PTPRO: variants seen among roughly 807,000 people sequenced by gnomAD.
PTPRO encodes the protein receptor-type tyrosine-protein phosphatase O.
In PTPRO, 62 loss-of-function variants were observed where a neutral mutation model predicts 145.2. The observed-to-expected ratio is 0.43, with a 90% CI of 0.35 to 0.53. The LOEUF (loss-of-function observed/expected upper bound fraction) is 0.53, where lower values mean the gene tolerates loss of function less well. Ranked by LOEUF, PTPRO falls within the 20% of genes least tolerant of loss-of-function variation. The pLI is 0.01. For missense variants in PTPRO, 1,345 were observed against 1,482.7 expected (o/e 0.91, Z 1.53); for synonymous variants, 565 against 514.7 (o/e 1.10, Z -1.32).
chr12:15,404,185 T>C (rs1401717699), intron 1 of PTPRO, among the ~76,000 whole-genome samples: 5 of 78,202 alleles, frequency 6.4e-5, no homozygotes, highest in African/African-American at 2.9e-4. Flanking sequence ...CAAGACCCCA[T>C]CTCAAAAAAA....
chr12:15,574,962 G>GC (rs999144236), intron 19 of PTPRO, among the ~76,000 whole-genome samples: 2 of 152,116 alleles, frequency 1.3e-5, no homozygotes, highest in Admixed American at 6.6e-5. Context: ...AATATCTGTG[G>GC]CCCCCCAAAA....
rs759533015 is a variant in PTPRO, at chr12:15,369,578, C to T, written c.75+46777C>T. 4.6e-5 allele frequency among the ~76,000 whole-genome samples: 7 copies of T among 152,260 alleles called. No homozygotes were observed. The South Asian group carries it at 1.4e-3, about 32-fold the overall frequency. ...ACTAGATTCTCAATTTGATACCTAA[C>T]GTAAACTACAAGTTTGTCATTGCAT... On this transcript the variant is annotated intron_variant, in intron 1 of 26. Coordinates refer to ENST00000281171, the MANE Select transcript of PTPRO (RefSeq NM_030667.3).
intron 18 of PTPRO, 68 bp from the exon 19 acceptor site, chr12:15,569,349 T>C: frequency 7.7e-7 from 1 of 1,306,318 alleles, no homozygotes; most frequent in Non-Finnish European, 1.1e-6. Context: ...AGTATGATAT[T>C]AAACAATATA....
intron 1 of PTPRO, among the ~76,000 whole-genome samples, chr12:15,371,302 G>A (rs577039183): frequency 7.9e-5 from 12 of 150,980 alleles, no homozygotes; most frequent in East Asian, 7.8e-4. Flanking sequence ...GTGCAATCTC[G>A]GCTCATTGCA....
chr12:15,325,072 G>T (rs559285322), intron 1 of PTPRO, among the ~76,000 whole-genome samples: 1 of 152,084 alleles, frequency 6.6e-6, no homozygotes, highest in Admixed American at 6.5e-5. Context: ...CACGTGTGCC[G>T]AGTCAGAAAT....
At chr12:15,470,832 G>A (rs755291731) in intron 1 of PTPRO, among the ~76,000 whole-genome samples, 8 of 152,214 alleles carry the variant, frequency 5.3e-5, no homozygotes, top group Non-Finnish European at 1.0e-4. Context: ...TCAAGGAAAT[G>A]GCAGTGCAAG....
chr12:15,557,666 C>A, intron 16 of PTPRO, 143 bp downstream of exon 16: 1 of 741,666 alleles, frequency 1.3e-6, no homozygotes, highest in Non-Finnish European at 2.4e-6. Flanking sequence ...ATGGCTAGAT[C>A]TTCACAGAAT....
At chr12:15,375,414 A>AT (rs1464406103) in intron 1 of PTPRO, among the ~76,000 whole-genome samples, 1 of 152,194 alleles carries the variant, frequency 6.6e-6, no homozygotes, top group Non-Finnish European at 1.5e-5. Flanking sequence ...TTTTCAAAGA[A>AT]TTAAAGGACA....
At chr12:15,574,797 A>T (rs908722049) in intron 19 of PTPRO, among the ~76,000 whole-genome samples, 3 of 152,200 alleles carry the variant, frequency 2.0e-5, no homozygotes, top group African/African-American at 4.8e-5. Flanking sequence ...ATTCAGAAAC[A>T]GTAATAGTTA....
chr12:15,516,706 T>C lies in PTPRO; in HGVS notation c.1586-57T>C, dbSNP rs1273517653. 17 of 1,474,188 alleles carry C rather than the reference T, an allele frequency of 1.2e-5. No individual in the cohort carries two copies. In the East Asian group the frequency reaches 3.4e-4, roughly 29 times the overall value. 91.3% of individuals were successfully genotyped at this position (1,474,188 alleles called of 1,614,324 possible). On this transcript the variant is annotated intron_variant, in intron 8 of 26. Coordinates refer to ENST00000281171, the MANE Select transcript of PTPRO (RefSeq NM_030667.3). ...GTCATTAAGTAGAAGTTTGAGGCCA[T>C]TGCTAAGACATTCCTTCTTAACTTT... is the stretch of plus-strand genomic sequence containing the variant.
At chr12:15,473,704 T>C (rs1352702672) in intron 1 of PTPRO, among the ~76,000 whole-genome samples, 1 of 145,590 alleles carries the variant, frequency 6.9e-6, no homozygotes, top group Admixed American at 7.2e-5. Flanking sequence ...GAGACAGAGG[T>C]TGCAGTGAGC....
chr12:15,339,140 G>A (rs993979378), intron 1 of PTPRO, among the ~76,000 whole-genome samples: 47 of 152,136 alleles, frequency 3.1e-4, no homozygotes, highest in African/African-American at 9.7e-4. Context: ...GGGCTGGAGG[G>A]AGCACTGATT....
At chr12:15,429,734 A>C (rs777968716) in intron 1 of PTPRO, among the ~76,000 whole-genome samples, 5 of 152,220 alleles carry the variant, frequency 3.3e-5, no homozygotes, top group Non-Finnish European at 7.3e-5. Flanking sequence ...TTATACATTG[A>C]AAAATGTTCT....
In PTPRO at chr12:15,508,694, T is replaced by C. The variant is rs1223706308; in HGVS notation, c.1391T>C (p.Ile464Thr). The change falls in exon 7 of 27, where the codon ATT (isoleucine) becomes ACT (threonine). Residue 464 changes from isoleucine (I) to threonine (T), a missense_variant. By Grantham distance (89) the Ile-to-Thr change is moderately conservative. Coordinates refer to ENST00000281171, the MANE Select transcript of PTPRO (RefSeq NM_030667.3). Reference protein sequence around the residue: ...TSSQENYNSTIVSVVSLTCQK... With the variant: ...TSSQENYNSTTVSVVSLTCQK... ...TCCCAAGAGAACTACAACAGCACCA[T>C]TGTGTCTGTGGTGTCGCTGACCTGC... is the stretch of plus-strand genomic sequence containing the variant. 5.6e-6 allele frequency: 9 copies of C among 1,614,070 alleles called. No individual in the cohort carries two copies. Among genetic ancestry groups the C allele is most frequent in the African/African-American group, 1.3e-5 (1 of 75,032 alleles).
chr12:15,563,487 A>G (rs982453153), intron 17 of PTPRO, among the ~76,000 whole-genome samples: 1 of 152,138 alleles, frequency 6.6e-6, no homozygotes, highest in East Asian at 1.9e-4. Context: ...CATGTTCCAC[A>G]GCCTTAGGAT....
Position 15,504,124 on chromosome 12 carries a change from G to C in PTPRO, c.1267+55G>C. The C allele has an allele frequency of 5.2e-6, 8 of 1,531,628 alleles. 1 individual carries two copies. The South Asian group carries it at 9.0e-5, about 17-fold the overall frequency. The allele number at this position is 1,531,628 out of a possible 1,614,324, so 94.9% of individuals were successfully genotyped here. A position where few individuals can be genotyped will look rare whatever the true frequency, so the allele number is the denominator to read the frequency against. On this transcript the variant is annotated intron_variant, in intron 6 of 26. Coordinates refer to ENST00000281171, the MANE Select transcript of PTPRO (RefSeq NM_030667.3). ...ACTGGGGAGCTAGAACAATGGAACT[G>C]GTGGGATTAATGATGCTCAGATGTC...
chr12:15,517,809 C>T (rs2136508522), intron 9 of PTPRO, among the ~76,000 whole-genome samples: 1 of 152,362 alleles, frequency 6.6e-6, no homozygotes, highest in East Asian at 1.9e-4. Flanking sequence ...TGGTCTTAGG[C>T]AGTTCCACTC....
At chr12:15,557,677 A>G (rs1396604112) in intron 16 of PTPRO, among the ~76,000 whole-genome samples, 154 bp downstream of exon 16, 1 of 152,182 alleles carries the variant, frequency 6.6e-6, no homozygotes, top group Non-Finnish European at 1.5e-5. Flanking sequence ...TTCACAGAAT[A>G]TAATGGTTTA....
intron 1 of PTPRO, among the ~76,000 whole-genome samples, chr12:15,355,372 A>T (rs1937952331): frequency 6.6e-6 from 1 of 152,152 alleles, no homozygotes; most frequent in African/African-American, 2.4e-5. Flanking sequence ...TGCCATGTTC[A>T]TTTCATGGCC....
Sources: gnomAD v4.1 joint callset for allele counts (sites outside exome capture counted in the v4.1 genomes callset) on GRCh38, gnomAD v4.1.1 for gene constraint, MANE v1.5 for transcripts, NCBI Gene and HGNC (gene_info 2026-07-23, HGNC 2026-07-21) for gene names.